The following CYREN variants were observed in gnomAD, a reference collection of about 807,000 sequenced individuals.
The protein encoded by CYREN is cell cycle regulator of NHEJ, also known as cell cycle regulator of non-homologous end joining.
A neutral mutation model predicts 9.7 loss-of-function variants in CYREN; 7 were observed. The observed-to-expected ratio is 0.72, with a 90% CI of 0.41 to 1.36. CYREN has a LOEUF of 1.36. Ranked by LOEUF, CYREN falls within the 40% of genes most tolerant of loss-of-function variation. The probability of loss-of-function intolerance (pLI) is 0.01; values close to 1 mark genes in which losing one functional copy is unlikely to be tolerated. For missense variants in CYREN, 215 were observed against 198.1 expected (o/e 1.09, Z -0.51); for synonymous variants, 76 against 77.9 (o/e 0.98, Z 0.13).
intron 2 of CYREN, among the ~76,000 whole-genome samples, chr7:135,154,379 A>G (rs1438889498): frequency 6.6e-6 from 1 of 151,596 alleles, no homozygotes; most frequent in African/African-American, 2.4e-5. Context: ...TCTGATCTTT[A>G]TTTTTTCTTT....
intron 2 of CYREN, among the ~76,000 whole-genome samples, chr7:135,100,925 C>A (rs1191952796): frequency 6.6e-6 from 1 of 152,194 alleles, no homozygotes; most frequent in Non-Finnish European, 1.5e-5. Flanking sequence ...ATCCTGCCTA[C>A]ATCATGAGAC....
intron 2 of CYREN, chr7:135,115,459 T>G: frequency 6.4e-7 from 1 of 1,551,354 alleles, no homozygotes; most frequent in Non-Finnish European, 8.7e-7. Flanking sequence ...ATTGGACAGA[T>G]GATGAAAAAA....
intron 2 of CYREN, among the ~76,000 whole-genome samples, chr7:135,113,901 T>C (rs1825970872): frequency 6.6e-6 from 1 of 152,260 alleles, no homozygotes; most frequent in Non-Finnish European, 1.5e-5. Context: ...GTCAATGGAA[T>C]ATTCTAGTCA....
intron 2 of CYREN, among the ~76,000 whole-genome samples, chr7:135,146,829 G>A (rs750947244): frequency 1.3e-5 from 2 of 152,206 alleles, no homozygotes; most frequent in African/African-American, 4.8e-5. Flanking sequence ...AAGAAAGGGA[G>A]AGTGTGGGAC....
chr7:135,153,903 AG>A (rs1829724156), intron 2 of CYREN, among the ~76,000 whole-genome samples: 1 of 152,176 alleles, frequency 6.6e-6, no homozygotes, highest in South Asian at 2.1e-4. Flanking sequence ...TAATAGTTTC[AG>A]GATTATTGGT....
rs902347822 is a variant in CYREN, at chr7:135,151,496, G to A, written n.356+17253C>T. Among the ~76,000 whole-genome samples the A allele has an allele frequency of 3.9e-5, 6 of 152,092 alleles. No individual in the cohort carries two copies. The highest frequency in any genetic ancestry group is 1.9e-4 in the East Asian group (1 of 5,190). On this transcript the variant is annotated intron_variant and non_coding_transcript_variant, in intron 2 of 2. Transcript: ENST00000459937. The surrounding 1 kb of genome is among the most constrained non-coding windows in gnomAD (Gnocchi z 4.3). The stretch of plus-strand genomic sequence containing the variant: ...ATGCCCTGGCAAGCTCTGTTGCCCC[G>A]GCTTTATTCTGCTAACATTTTCTTC...
At chr7:135,120,735 A>G (rs4732097) in intron 2 of CYREN, among the ~76,000 whole-genome samples, 8,280 of 152,334 alleles carry the variant, frequency 0.054, 300 homozygotes, top group Middle Eastern at 0.18. Context: ...GGCTGAAAGT[A>G]AAAGGATGGA....
intron 2 of CYREN, among the ~76,000 whole-genome samples, chr7:135,110,330 G>A (rs1825442345): frequency 1.3e-5 from 2 of 152,216 alleles, no homozygotes; most frequent in Non-Finnish European, 2.9e-5. Flanking sequence ...GGTATGTACA[G>A]AGGTCTAACT....
In CYREN at chr7:135,129,722, T is replaced by C. The variant is rs567955151; in HGVS notation, n.357-35140A>G. 115 of 740,966 alleles carry C rather than the reference T, an allele frequency of 1.6e-4. 1 individual carries two copies. The Middle Eastern group carries it at 2.0e-3, about 13-fold the overall frequency. 45.9% of individuals were successfully genotyped at this position (740,966 alleles called of 1,614,324 possible). A position where few individuals can be genotyped will look rare whatever the true frequency, so the allele number is the denominator to read the frequency against. On this transcript the variant is annotated intron_variant and non_coding_transcript_variant, in intron 2 of 2. Coordinates refer to the CYREN transcript ENST00000459937. ...CTACTGCTCAAGATATGGAAGTGGA[T>C]TGGTTTTCCCTAATCTTTTGTCAAG...
intron 2 of CYREN, chr7:135,135,001 G>A: frequency 6.4e-7 from 1 of 1,551,060 alleles, no homozygotes; most frequent in Non-Finnish European, 8.7e-7. Context: ...ACCTCTCAAA[G>A]GCCCCAAGAA....
intron 2 of CYREN, among the ~76,000 whole-genome samples, chr7:135,126,302 A>G (rs542082150): frequency 6.6e-6 from 1 of 152,336 alleles, no homozygotes; most frequent in South Asian, 2.1e-4. Context: ...ATTGCTACAA[A>G]GAGAATAAAA....
At chr7:135,156,149 G>A (rs1309278237) in intron 2 of CYREN, among the ~76,000 whole-genome samples, 2 of 152,018 alleles carry the variant, frequency 1.3e-5, no homozygotes, top group Admixed American at 6.6e-5. Flanking sequence ...CTTTATAGGT[G>A]ACTAGTCACT....
chr7:135,161,528 C>A (rs1026263911), downstream of CYREN, among the ~76,000 whole-genome samples: 1 of 152,148 alleles, frequency 6.6e-6, no homozygotes, highest in South Asian at 2.1e-4. This position sits in a 1 kb window ranked among gnomAD's most constrained non-coding sequence, Gnocchi z 4.1. Flanking sequence ...AATACCCAAA[C>A]CCATTAAAAG....
At chr7:135,124,337 A>G (rs62479726) in intron 2 of CYREN, among the ~76,000 whole-genome samples, 7,753 of 152,324 alleles carry the variant, frequency 0.051, 279 homozygotes, top group Middle Eastern at 0.18. Context: ...CAATTCAACA[A>G]GAAGAGCTAA....
chr7:135,151,118 C>T lies in CYREN; in HGVS notation n.356+17631G>A, dbSNP rs1490785892. 2.0e-5 allele frequency among the ~76,000 whole-genome samples: 3 copies of T among 152,078 alleles called. No homozygotes were observed. The highest frequency in any genetic ancestry group is 2.9e-5 in the Non-Finnish European group (2 of 68,010). On this transcript the variant is annotated intron_variant and non_coding_transcript_variant, in intron 2 of 2. Coordinates refer to the CYREN transcript ENST00000459937. The surrounding 1 kb of genome is among the most constrained non-coding windows in gnomAD (Gnocchi z 4.3). ...ATCTCATGGTATAGTCCTATTTTGT[C>T]TGATAAAGCTGTTTTATTTACATGG...
intron 2 of CYREN, chr7:135,134,953 G>T (rs1022019458): frequency 7.7e-6 from 12 of 1,551,130 alleles, no homozygotes; most frequent in African/African-American, 6.8e-5. Context: ...TTCAGAATGG[G>T]TCCAGTCTAA....
chr7:135,125,509 T>C (rs1286474741), intron 2 of CYREN, among the ~76,000 whole-genome samples: 5 of 151,960 alleles, frequency 3.3e-5, no homozygotes, highest in Non-Finnish European at 5.9e-5. Flanking sequence ...CTCCAAACAA[T>C]TGAAAAGGAG....
At chr7:135,109,581 G>A (rs1358801132) in intron 2 of CYREN, among the ~76,000 whole-genome samples, 4 of 152,210 alleles carry the variant, frequency 2.6e-5, no homozygotes, top group Admixed American at 1.3e-4. Flanking sequence ...AATGAAGGTC[G>A]TGAAACAGCA....
chr7:135,148,383 C>A (rs192897208), intron 2 of CYREN: 2 of 319,344 alleles, frequency 6.3e-6, no homozygotes, highest in African/African-American at 4.4e-5. Context: ...TAGGGGAACT[C>A]ACTGGTTGTT....
Sources: gnomAD v4.1 joint callset for allele counts (sites outside exome capture counted in the v4.1 genomes callset) on GRCh38, gnomAD v4.1.1 for gene constraint, Gnocchi (gnomAD v3.1) non-coding constraint, MANE v1.5 for transcripts, NCBI Gene and HGNC (gene_info 2026-07-23, HGNC 2026-07-21) for gene names.